The following ATP2C2 variants were observed in gnomAD, a reference collection of about 807,000 sequenced individuals.
ATP2C2 encodes the protein calcium-transporting ATPase type 2C member 2.
A neutral mutation model predicts 110.8 loss-of-function variants in ATP2C2; 171 were observed. That is an observed-to-expected ratio of 1.54 (90% CI 1.36 to 1.75). The LOEUF is 1.75. Among genes scored for constraint, ATP2C2 ranks in the 40% most tolerant of loss-of-function variants. ATP2C2 has a pLI of 0.00. For missense variants in ATP2C2, 1,963 were observed against 1,235.0 expected (o/e 1.59, Z -8.84); for synonymous variants, 804 against 508.4 (o/e 1.58, Z -7.82).
intron 1 of ATP2C2, among the ~76,000 whole-genome samples, chr16:84,372,150 C>T (rs974153218): frequency 1.3e-5 from 2 of 152,092 alleles, no homozygotes; most frequent in African/African-American, 4.8e-5. Flanking sequence ...TGGGCTTTAT[C>T]CCTGGAGCAG....
At chr16:84,370,756 C>T (rs1181286178) in intron 1 of ATP2C2, among the ~76,000 whole-genome samples, 3 of 151,244 alleles carry the variant, frequency 2.0e-5, no homozygotes, top group Non-Finnish European at 4.4e-5. Context: ...CTTTTATGAG[C>T]ACTAATTACA....
In ATP2C2 at chr16:84,448,595, G is replaced by C. The variant is rs371927501; in HGVS notation, c.1566G>C (p.Met522Ile). 8 of 1,613,956 alleles carry C rather than the reference G, an allele frequency of 5.0e-6. No individual in the cohort carries two copies. In the African/African-American group the frequency reaches 6.7e-5, roughly 13 times the overall value. The change falls in exon 17 of 27, where the codon ATG becomes ATC. Residue 522 changes from methionine (M) to isoleucine (I), a missense_variant. Coordinates refer to ENST00000262429, the MANE Select transcript of ATP2C2 (RefSeq NM_014861.4). ...ALEEVIRYCT[M>I]YNNGGIPLPL... ...AAGAGGTGATCCGCTACTGCACCATGTACAACAACGGGGGCATCCCCCTGC... is the reference window on the plus strand; with the variant it reads ...AAGAGGTGATCCGCTACTGCACCATCTACAACAACGGGGGCATCCCCCTGC...
intron 25 of ATP2C2, 66 bp downstream of exon 25, chr16:84,461,878 C>A: frequency 1.2e-6 from 2 of 1,608,010 alleles, no homozygotes; most frequent in South Asian, 2.2e-5. Flanking sequence ...GCGCCCCGAC[C>A]CTGCCCGCAG....
chr16:84,392,006 T>C (rs1378221412), intron 1 of ATP2C2, among the ~76,000 whole-genome samples: 1 of 151,966 alleles, frequency 6.6e-6, no homozygotes, highest in Non-Finnish European at 1.5e-5. Flanking sequence ...CAGTGACGTC[T>C]CCTTAGGTCA....
chr16:84,441,959 T>G (rs202184252), intron 14 of ATP2C2, among the ~76,000 whole-genome samples: 1 of 146,132 alleles, frequency 6.8e-6, no homozygotes, highest in Non-Finnish European at 1.5e-5. Context: ...TATGCAAAAC[T>G]AGTAATAATA....
intron 4 of ATP2C2, among the ~76,000 whole-genome samples, chr16:84,410,042 A>G: frequency 6.6e-6 from 1 of 152,106 alleles, no homozygotes; most frequent in East Asian, 1.9e-4. Context: ...GCCCGTCTCT[A>G]CAAAAAATAC....
Position 84,398,626 on chromosome 16 carries a change from C to A in ATP2C2, c.210+17C>A. On this transcript the variant is annotated intron_variant, in intron 2 of 26. Coordinates refer to ENST00000262429, the MANE Select transcript of ATP2C2 (RefSeq NM_014861.4). ...GCGTTTTGTGTAAGAATTGAATTTG[C>A]ATCTGGAGCTAATTGTGATAAGGTT... The A allele has an allele frequency of 6.4e-7, 1 of 1,571,924 alleles. No individual in the cohort carries two copies. The highest frequency in any genetic ancestry group is 8.7e-7 in the Non-Finnish European group (1 of 1,148,800).
chr16:84,412,260 GTGTA>G (rs58552737), intron 6 of ATP2C2, among the ~76,000 whole-genome samples: 12,935 of 151,812 alleles, frequency 0.085, 708 homozygotes, highest in Non-Finnish European at 0.12. Flanking sequence ...GTGTATGTGT[GTGTA>G]TGTATGTGTG....
chr16:84,375,211 A>T (rs1002431823), intron 1 of ATP2C2, among the ~76,000 whole-genome samples: 3 of 152,252 alleles, frequency 2.0e-5, no homozygotes, highest in African/African-American at 7.2e-5. Context: ...GTAATGACAC[A>T]GTGGACGGCT....
intron 2 of ATP2C2, among the ~76,000 whole-genome samples, chr16:84,401,546 A>G (rs1597767611): frequency 6.6e-6 from 1 of 152,094 alleles, no homozygotes; most frequent in African/African-American, 2.4e-5. Flanking sequence ...TCTCCTGCAT[A>G]TGGAGATTTT....
At chr16:84,458,670 G>A (rs1910931932) in intron 21 of ATP2C2, among the ~76,000 whole-genome samples, 1 of 152,226 alleles carries the variant, frequency 6.6e-6, no homozygotes, top group African/African-American at 2.4e-5. Context: ...TCTAAAGACA[G>A]AAGCAGGCGA....
chr16:84,436,792 C>T lies in ATP2C2; in HGVS notation c.987-2374C>T, dbSNP rs1201117501. On this transcript the variant is annotated intron_variant, in intron 11 of 26. Transcript: ENST00000262429. The stretch of plus-strand genomic sequence containing the variant: ...TTTTTTTTTTTTTGAGACAGACTTT[C>T]ACTCTTGTTGCCCAGGCTGGAGTGC... Among the ~76,000 whole-genome samples, 3 of 120,782 alleles carry T rather than the reference C, an allele frequency of 2.5e-5. No homozygotes were observed. The South Asian group carries it at 8.2e-4, about 33-fold the overall frequency. 79.2% of individuals were successfully genotyped at this position (120,782 alleles called of 152,430 possible).
At chr16:84,406,190 T>C (rs994414892) in intron 3 of ATP2C2, among the ~76,000 whole-genome samples, 4 of 152,098 alleles carry the variant, frequency 2.6e-5, no homozygotes, top group Non-Finnish European at 5.9e-5. Context: ...CGGTGCTGAA[T>C]GAATGGCACA....
At chr16:84,399,483 A>G (rs1318345221) in intron 2 of ATP2C2, among the ~76,000 whole-genome samples, 1 of 152,234 alleles carries the variant, frequency 6.6e-6, no homozygotes, top group Non-Finnish European at 1.5e-5. Context: ...AAAAACAAGG[A>G]CACTTTTGTT....
chr16:84,456,024 G>C (rs1235430351), intron 21 of ATP2C2, among the ~76,000 whole-genome samples: 5 of 72,162 alleles, frequency 6.9e-5, no homozygotes, highest in Non-Finnish European at 1.3e-4. Flanking sequence ...GCTGGATTCG[G>C]TTTGCCAGTA....
At position 84,439,528 on chromosome 16, in the gene ATP2C2, A is replaced by G. The variant is rs1909054064; in HGVS notation, c.1209+4A>G. The stretch of plus-strand genomic sequence containing the variant: ...GTCAGATGGGCTTCGTGCCGAGGTG[A>G]GTGCCAAAGGAATTTACAAGCCTTA... On this transcript the variant is annotated splice_donor_region_variant and intron_variant, in intron 13 of 26. Transcript: ENST00000262429. The G allele has an allele frequency of 6.2e-7, 1 of 1,613,946 alleles. No homozygotes were observed.
chr16:84,417,837 C>T (rs1003425363), intron 7 of ATP2C2, among the ~76,000 whole-genome samples: 2 of 152,236 alleles, frequency 1.3e-5, no homozygotes, highest in African/African-American at 4.8e-5. Context: ...ATTAAACAAT[C>T]AATAGCTTTG....
At chr16:84,449,952 G>T (rs1910105722) in intron 17 of ATP2C2, among the ~76,000 whole-genome samples, 1 of 152,236 alleles carries the variant, frequency 6.6e-6, no homozygotes, top group South Asian at 2.1e-4. Context: ...GCCTGTGTGA[G>T]GCCACGCCCT....
Position 84,408,510 on chromosome 16 carries a change from G to C in ATP2C2, c.417+16G>C, listed in dbSNP as rs1321347649. ...CATCGCCACGGTGAGTTCCCTGACA[G>C]CGCTCGGCTCCCGGGCGGGCAGCCA... On this transcript the variant is annotated intron_variant, in intron 4 of 26. Coordinates refer to ENST00000262429, the MANE Select transcript of ATP2C2 (RefSeq NM_014861.4). 1 of 1,608,040 alleles carries C rather than the reference G, an allele frequency of 6.2e-7. No homozygotes were observed. Among genetic ancestry groups the C allele is most frequent in the Middle Eastern group, 1.7e-4 (1 of 6,048 alleles).
Sources: allele counts gnomAD v4.1 joint callset (sites outside exome capture counted in the v4.1 genomes callset), GRCh38; gene constraint gnomAD v4.1.1; transcripts MANE v1.5; gene names NCBI Gene and HGNC (gene_info 2026-07-23, HGNC 2026-07-21).